Variants in NAV3 observed in about 807,000 individuals in gnomAD.
NAV3 encodes the protein neuron navigator 3.
A neutral mutation model predicts 244.7 loss-of-function variants in NAV3; 87 were observed. The ratio of observed to expected loss-of-function variants is 0.36; its 90% CI spans 0.30 to 0.42. NAV3 has a LOEUF of 0.42. Among genes scored for constraint, NAV3 ranks in the 20% least tolerant of loss-of-function variants. The pLI is 1.00. For synonymous variants in NAV3, 1,126 were observed against 1,042.2 expected, an observed-to-expected ratio of 1.08 and a Z score of -1.55; for missense variants, 2,663 against 2,893.3, an observed-to-expected ratio of 0.92 and a Z score of 1.83.
At chr12:77,766,605 G>T (rs188217759) in intron 2 of NAV3, among the ~76,000 whole-genome samples, 18 of 152,106 alleles carry the variant, frequency 1.2e-4, no homozygotes, top group Non-Finnish European at 2.5e-4. Context: ...TAGTTACAGG[G>T]CATCTGACAA....
intron 12 of NAV3, among the ~76,000 whole-genome samples, chr12:78,072,909 C>T (rs1952850959): frequency 7.4e-6 from 1 of 134,942 alleles, no homozygotes; most frequent in South Asian, 2.8e-4. Flanking sequence ...TGTAATCCAG[C>T]ATATAAACAG....
intron 9 of NAV3, among the ~76,000 whole-genome samples, chr12:78,040,322 A>C (rs764978284): frequency 1.3e-5 from 2 of 152,172 alleles, no homozygotes; most frequent in Non-Finnish European, 2.9e-5. Flanking sequence ...TGAGGAGGGC[A>C]GTGTCATAAG....
rs1025309907 is a variant in NAV3 at position 77,916,335 on chromosome 12, C to T, written c.244-23984C>T. On this transcript the variant is annotated intron_variant, in intron 1 of 39. Transcript: ENST00000397909. ...AGGAGGAAAGAATAAATCCAGGGAC[C>T]GTTTTGAAAGGAAAGACTAAACATA... Among the ~76,000 whole-genome samples the T allele has an allele frequency of 6.0e-5, 9 of 151,042 alleles. No homozygotes were observed. The East Asian group carries it at 6.0e-4, about 10-fold the overall frequency.
chr12:78,147,041 G>A (rs1267845022), intron 21 of NAV3, among the ~76,000 whole-genome samples: 1 of 151,906 alleles, frequency 6.6e-6, no homozygotes, highest in Non-Finnish European at 1.5e-5. Context: ...CTGTTTGATT[G>A]GTTTACACTG....
intron 12 of NAV3, among the ~76,000 whole-genome samples, chr12:78,115,331 A>C (rs1349284742): frequency 1.3e-5 from 2 of 152,158 alleles, no homozygotes; most frequent in Non-Finnish European, 2.9e-5. Context: ...GCACCAATTT[A>C]CTGTATTAGT....
chr12:78,098,605 A>G (rs1954376234), intron 12 of NAV3, among the ~76,000 whole-genome samples: 1 of 151,924 alleles, frequency 6.6e-6, no homozygotes, highest in African/African-American at 2.4e-5. Flanking sequence ...ATATTACAGA[A>G]GAAAATAAGA....
chr12:78,051,381 A>G (rs1419272450), intron 11 of NAV3, among the ~76,000 whole-genome samples: 1 of 152,172 alleles, frequency 6.6e-6, no homozygotes, highest in East Asian at 1.9e-4. Flanking sequence ...GTTGAGAGAA[A>G]CACATGTGGC....
chr12:78,058,822 A>C (rs1883896408), intron 11 of NAV3, among the ~76,000 whole-genome samples, 174 bp from the exon 12 acceptor site: 1 of 152,170 alleles, frequency 6.6e-6, no homozygotes. Flanking sequence ...AGTAAACTTG[A>C]AAAAATATTT....
rs1469328171 is a variant in NAV3 at position 78,057,376 on chromosome 12, T to C, written c.2517-1620T>C. ...GATATACTTTAATCCTGCTTCTGCCTTGATCCTCCCTCAATTCTCATTTAG... is the reference window on the plus strand; with the variant it reads ...GATATACTTTAATCCTGCTTCTGCCCTGATCCTCCCTCAATTCTCATTTAG... On this transcript the variant is annotated intron_variant, in intron 11 of 39. Coordinates refer to ENST00000397909, the MANE Select transcript of NAV3 (RefSeq NM_001024383.2). 4.6e-5 allele frequency among the ~76,000 whole-genome samples: 7 copies of C among 152,312 alleles called. No homozygotes were observed. In the East Asian group the frequency reaches 9.7e-4, roughly 21 times the overall value.
chr12:77,680,911 T>C (rs1227257069), intron 2 of NAV3, among the ~76,000 whole-genome samples: 1 of 152,126 alleles, frequency 6.6e-6, no homozygotes, highest in African/African-American at 2.4e-5. Flanking sequence ...GAGATGAGAA[T>C]CTATTAAAAT....
At chr12:77,702,497 T>A (rs1339396827) in intron 2 of NAV3, among the ~76,000 whole-genome samples, 1 of 152,034 alleles carries the variant, frequency 6.6e-6, no homozygotes, top group Non-Finnish European at 1.5e-5. Context: ...ATTAGTTTTG[T>A]ATTTGTCTTG....
intron 2 of NAV3, among the ~76,000 whole-genome samples, chr12:77,595,269 A>T (rs1870115936): frequency 6.6e-6 from 1 of 152,216 alleles, no homozygotes; most frequent in Non-Finnish European, 1.5e-5. Context: ...GATGAACATT[A>T]TGCTAAGTGC....
At chr12:77,749,272 G>A (rs1868716708) in intron 2 of NAV3, among the ~76,000 whole-genome samples, 1 of 152,116 alleles carries the variant, frequency 6.6e-6, no homozygotes, top group African/African-American at 2.4e-5. Context: ...TATATGGAAG[G>A]GCAATGTCAC....
Position 77,994,695 on chromosome 12 carries a change from C to T in NAV3, c.672-108C>T, listed in dbSNP as rs143577951. On this transcript the variant is annotated intron_variant, in intron 5 of 39. Transcript: ENST00000397909. ...AATTTGTTCTTTATACATGTTTATA[C>T]GTGTTCCAATTGCATTTCATTAATT... 1,639 of 781,064 alleles carry T rather than the reference C, an allele frequency of 2.1e-3. 6 individuals carry two copies. Among genetic ancestry groups the T allele is most frequent in the Non-Finnish European group, 2.8e-3 (1,301 of 470,950 alleles). 48.4% of individuals were successfully genotyped at this position (781,064 alleles called of 1,614,324 possible). A position where few individuals can be genotyped will look rare whatever the true frequency, so the allele number is the denominator to read the frequency against.
intron 2 of NAV3, among the ~76,000 whole-genome samples, chr12:77,640,829 G>A (rs182168074): frequency 6.6e-5 from 10 of 152,236 alleles, no homozygotes; most frequent in Non-Finnish European, 1.2e-4. Flanking sequence ...AATGAGGGCA[G>A]CTACTCTTAA....
At chr12:77,741,836 T>C (rs1592637989) in intron 2 of NAV3, among the ~76,000 whole-genome samples, 1 of 152,160 alleles carries the variant, frequency 6.6e-6, no homozygotes, top group East Asian at 1.9e-4. Flanking sequence ...TTTTCCTGTC[T>C]TAATGCTTTT....
At chr12:77,810,393 G>C (rs1050049517) in intron 2 of NAV3, among the ~76,000 whole-genome samples, 1 of 152,000 alleles carries the variant, frequency 6.6e-6, no homozygotes, top group African/African-American at 2.4e-5. Context: ...GGATGGTCTC[G>C]ATCTCCTGAC....
chr12:78,001,296 T>G (rs1035053653), intron 7 of NAV3, among the ~76,000 whole-genome samples: 4 of 152,172 alleles, frequency 2.6e-5, no homozygotes, highest in African/African-American at 9.7e-5. Context: ...ATACTTAAAT[T>G]AATAACAAGA....
intron 1 of NAV3, among the ~76,000 whole-genome samples, chr12:77,902,491 G>C (rs574790050): frequency 6.6e-6 from 1 of 152,196 alleles, no homozygotes; most frequent in East Asian, 1.9e-4. Context: ...TGCGGTTTTT[G>C]TCATTGGTTC....
Sources: gnomAD v4.1 joint callset for allele counts (sites outside exome capture counted in the v4.1 genomes callset) on GRCh38, gnomAD v4.1.1 for gene constraint, MANE v1.5 for transcripts, NCBI Gene and HGNC (gene_info 2026-07-23, HGNC 2026-07-21) for gene names.